The following ZNF366 variants were observed in gnomAD, a reference collection of about 807,000 sequenced individuals.
ZNF366 encodes dendritic cell-specific transcript protein.
In ZNF366, 20 loss-of-function variants were observed where a neutral mutation model predicts 47.2. The observed-to-expected ratio is 0.42, with a 90% CI of 0.30 to 0.62. The LOEUF is 0.62. Ranked by LOEUF, ZNF366 falls within the 20% of genes least tolerant of loss-of-function variation. ZNF366 has a pLI of 0.16. For synonymous variants in ZNF366, 421 were observed against 395.1 expected (o/e 1.07, Z -0.78); for missense variants, 987 against 976.3 (o/e 1.01, Z -0.15).
In ZNF366 at chr5:72,444,091, C is replaced by T. The variant is rs747364190; in HGVS notation, c.1900G>A (p.Gly634Ser). 1 of 1,614,132 alleles carries T rather than the reference C, an allele frequency of 6.2e-7. No homozygotes were observed. The highest frequency in any genetic ancestry group is 8.5e-7 in the Non-Finnish European group (1 of 1,180,028). The change falls in exon 5 of 5, where the codon GGC becomes AGC. Residue 634 changes from glycine to serine, a missense_variant. Physicochemically the swap from Gly to Ser is moderately conservative, Grantham distance 56 (BLOSUM62 0). Around this residue, in one of 3 missense-constraint regions of ZNF366, gnomAD observed 285 missense variants for 234.8 expected, o/e 1.21. Coordinates refer to ENST00000318442, the MANE Select transcript of ZNF366 (RefSeq NM_152625.3). The part of the protein sequence containing the change: ...NCYEVEPYSP[G>S]LAPQSQQLCT... Reference sequence around the variant, plus strand: ...AGCTGCTGGCTCTGGGGGGCCAGGCCAGGGCTGTAGGGCTCCACCTCGTAG... The same window carrying T: ...AGCTGCTGGCTCTGGGGGGCCAGGCTAGGGCTGTAGGGCTCCACCTCGTAG...
At chr5:72,499,188 C>T (rs1265263984) in intron 1 of ZNF366, among the ~76,000 whole-genome samples, 1 of 152,226 alleles carries the variant, frequency 6.6e-6, no homozygotes, top group Non-Finnish European at 1.5e-5. Flanking sequence ...CAGAAGAACT[C>T]TCTGCCCCTG....
At chr5:72,490,815 C>G (rs1025561360) in intron 1 of ZNF366, among the ~76,000 whole-genome samples, 1 of 152,168 alleles carries the variant, frequency 6.6e-6, no homozygotes, top group Non-Finnish European at 1.5e-5. Flanking sequence ...TTAGACTGCC[C>G]CCAGTTGAGA....
At chr5:72,453,090 T>C (rs1743107516) in intron 3 of ZNF366, among the ~76,000 whole-genome samples, 1 of 152,202 alleles carries the variant, frequency 6.6e-6, no homozygotes, top group African/African-American at 2.4e-5. Flanking sequence ...CTATTGTTAA[T>C]GCCTAATCCC....
At position 72,456,451 on chromosome 5, in the gene ZNF366, T is replaced by G; in HGVS notation, c.1477A>C (p.Lys493Gln). The change falls in exon 3 of 5, where the codon AAG (lysine) becomes CAG (glutamine). Residue 493 changes from lysine (K) to glutamine (Q), a missense_variant. Lys to Gln is a moderately conservative substitution (Grantham distance 53, BLOSUM62 1). Around this residue, in one of 3 missense-constraint regions of ZNF366, gnomAD observed 111 missense variants for 180.5 expected, o/e 0.61. Transcript: ENST00000318442. ...TCAGAGTGGACGATCATGTGTGCCT[T>G]GAGGGTCTGCTTCTGCACGAAGCTC... ...YKSFVQKQTL[K>Q]AHMIVHSDVK... 4 of 1,613,574 alleles carry G rather than the reference T, an allele frequency of 2.5e-6. No individual in the cohort carries two copies. The highest frequency in any genetic ancestry group is 3.4e-6 in the Non-Finnish European group (4 of 1,179,564).
chr5:72,473,456 A>C (rs1455974490), intron 1 of ZNF366, among the ~76,000 whole-genome samples: 1 of 152,194 alleles, frequency 6.6e-6, no homozygotes, highest in Admixed American at 6.5e-5. Context: ...TGACTGTCAA[A>C]GTTCTCCATA....
Position 72,480,521 on chromosome 5 carries a change from A to T in ZNF366, c.-14-19011T>A, listed in dbSNP as rs138301672. On this transcript the variant is annotated intron_variant, in intron 1 of 4. Transcript: ENST00000318442. Reference sequence around the variant, plus strand: ...TTGGTGGAGTAACAGGTTGATTCTGATTTATCACTAACCTTCTCTAACTTC... The same window carrying T: ...TTGGTGGAGTAACAGGTTGATTCTGTTTTATCACTAACCTTCTCTAACTTC... Among the ~76,000 whole-genome samples the T allele has an allele frequency of 5.8e-3, 889 of 152,186 alleles. 10 individuals carry two copies. The highest frequency in any genetic ancestry group is 0.019 in the African/African-American group (808 of 41,516).
chr5:72,448,918 T>C (rs1256249643), intron 3 of ZNF366, among the ~76,000 whole-genome samples: 1 of 152,154 alleles, frequency 6.6e-6, no homozygotes. Flanking sequence ...TTGAGAATTG[T>C]AAGTACTTTC....
intron 1 of ZNF366, among the ~76,000 whole-genome samples, chr5:72,469,462 C>A (rs1056027305): frequency 1.3e-5 from 2 of 151,988 alleles, no homozygotes; most frequent in African/African-American, 2.4e-5. Flanking sequence ...GGTGACCAGA[C>A]CCCACCCAAT....
At chr5:72,449,636 G>T (rs1014966110) in intron 3 of ZNF366, among the ~76,000 whole-genome samples, 4 of 152,182 alleles carry the variant, frequency 2.6e-5, no homozygotes, top group Admixed American at 1.3e-4. Context: ...GATGGTTCCT[G>T]GTTATTTGGA....
At chr5:72,472,469 T>C in intron 1 of ZNF366, 1 of 810,920 alleles carries the variant, frequency 1.2e-6, no homozygotes, top group East Asian at 1.3e-4. Flanking sequence ...TCCCAACCAG[T>C]GCCACAGCCT....
chr5:72,447,466 C>T (rs770577596), intron 3 of ZNF366, 49 bp from the exon 4 acceptor site: 1 of 1,599,100 alleles, frequency 6.3e-7, no homozygotes. Flanking sequence ...CGAGTGAAGC[C>T]CCATCCAGGC....
At position 72,443,724 on chromosome 5, in the gene ZNF366, C is replaced by A; in HGVS notation, c.*32G>T. ...AGCTATATTTGAACTGCCTCCTTCT[C>A]ATTTTCCAAATGTAATTTTAAAACT... is the stretch of plus-strand genomic sequence containing the variant. On this transcript the variant is annotated 3_prime_UTR_variant, in exon 5 of 5. Transcript: ENST00000318442. 6.3e-7 allele frequency: 1 copy of A among 1,586,028 alleles called. No individual in the cohort carries two copies.
At chr5:72,449,048 G>C (rs1461689618) in intron 3 of ZNF366, among the ~76,000 whole-genome samples, 2 of 152,102 alleles carry the variant, frequency 1.3e-5, no homozygotes, top group Non-Finnish European at 2.9e-5. Flanking sequence ...GACCTAAGAG[G>C]GGAAAAGGAT....
In ZNF366 at chr5:72,443,062, G is replaced by T; in HGVS notation, c.*694C>A. The T allele has an allele frequency of 6.6e-6, 1 of 152,334 alleles. No homozygotes were observed. The highest frequency in any genetic ancestry group is 1.5e-5 in the Non-Finnish European group (1 of 68,134). 9.4% of individuals were successfully genotyped at this position (152,334 alleles called of 1,614,324 possible). On this transcript the variant is annotated 3_prime_UTR_variant, in exon 5 of 5. Coordinates refer to ENST00000318442, the MANE Select transcript of ZNF366 (RefSeq NM_152625.3). ...GTGAGGGTTTGTCTGAGGAGCCAGG[G>T]CCCCAAACATCATCATATCATCTGA... is the stretch of plus-strand genomic sequence containing the variant.
intron 1 of ZNF366, among the ~76,000 whole-genome samples, chr5:72,496,511 A>G (rs1744115832): frequency 6.6e-6 from 1 of 152,018 alleles, no homozygotes; most frequent in African/African-American, 2.4e-5. Context: ...GCATAGATAA[A>G]CCAGCTTTTG....
At chr5:72,486,263 G>C (rs1743890860) in intron 1 of ZNF366, among the ~76,000 whole-genome samples, 1 of 152,216 alleles carries the variant, frequency 6.6e-6, no homozygotes, top group South Asian at 2.1e-4. Flanking sequence ...AAAATAGGCA[G>C]ACTTGAGACC....
intron 1 of ZNF366, among the ~76,000 whole-genome samples, chr5:72,505,068 G>T (rs1744294526): frequency 1.3e-5 from 2 of 152,172 alleles, no homozygotes; most frequent in African/African-American, 4.8e-5. Flanking sequence ...ATGTGTATAA[G>T]AAATTGTAAT....
Position 72,507,294 on chromosome 5 carries a change from C to T in ZNF366, c.-58G>A. 1.0e-6 allele frequency: 1 copy of T among 985,562 alleles called. No homozygotes were observed. The highest frequency in any genetic ancestry group is 1.2e-6 in the Non-Finnish European group (1 of 830,052). 61.1% of individuals were successfully genotyped at this position (985,562 alleles called of 1,614,324 possible). ...TGGCTGCAGCAGCCCCACTCCTTTA[C>T]CTGATCCCTGCTCTCTCTGTCTCTC... On this transcript the variant is annotated 5_prime_UTR_variant, in exon 1 of 5. Transcript: ENST00000318442.
Position 72,443,089 on chromosome 5 carries a change from A to T in ZNF366, c.*667T>A, listed in dbSNP as rs1484034756. 6.6e-6 allele frequency: 1 copy of T among 152,276 alleles called. No homozygotes were observed. The highest frequency in any genetic ancestry group is 6.5e-5 in the Admixed American group (1 of 15,288). 9.4% of individuals were successfully genotyped at this position (152,276 alleles called of 1,614,324 possible). On this transcript the variant is annotated 3_prime_UTR_variant, in exon 5 of 5. Coordinates refer to ENST00000318442, the MANE Select transcript of ZNF366 (RefSeq NM_152625.3). ...CCCAAACATCATCATATCATCTGAA[A>T]AATAATGCTCCAAATGCTCAATCTG...
Sources: gnomAD v4.1 joint callset for allele counts (sites outside exome capture counted in the v4.1 genomes callset) on GRCh38, gnomAD v4.1.1 for gene constraint, gnomAD v4.1.1 regional missense constraint, MANE v1.5 for transcripts, NCBI Gene and HGNC (gene_info 2026-07-23, HGNC 2026-07-21) for gene names.